Variants in FBXL7 observed in about 807,000 individuals in gnomAD.
FBXL7 encodes F-box and leucine rich repeat protein 7.
A neutral mutation model predicts 38.3 loss-of-function variants in FBXL7; 12 were observed. The ratio of observed to expected loss-of-function variants is 0.31; its 90% CI spans 0.20 to 0.51. The LOEUF is 0.51. Among genes scored for constraint, FBXL7 ranks in the 20% least tolerant of loss-of-function variants. FBXL7 has a pLI of 0.98. For synonymous variants in FBXL7, 297 were observed against 300.9 expected (o/e 0.99, Z 0.13); for missense variants, 567 against 676.4 (o/e 0.84, Z 1.79).
At chr5:15,507,231 T>C (rs1461534862) in intron 1 of FBXL7, among the ~76,000 whole-genome samples, 1 of 152,134 alleles carries the variant, frequency 6.6e-6, no homozygotes, top group Admixed American at 6.6e-5. Context: ...GTGACTAATT[T>C]CATTCTGATG....
intron 1 of FBXL7, among the ~76,000 whole-genome samples, chr5:15,508,500 G>T (rs1273291153): frequency 6.6e-6 from 1 of 152,178 alleles, no homozygotes; most frequent in African/African-American, 2.4e-5. Context: ...TCGTAGCTGG[G>T]CTACCTAAGG....
intron 1 of FBXL7, among the ~76,000 whole-genome samples, chr5:15,530,040 A>G (rs1737375597): frequency 6.6e-6 from 1 of 152,228 alleles, no homozygotes; most frequent in South Asian, 2.1e-4. Context: ...GAACTGTAGC[A>G]GGAATTTTGT....
chr5:15,648,747 C>G (rs550715939), intron 2 of FBXL7, among the ~76,000 whole-genome samples: 1 of 152,280 alleles, frequency 6.6e-6, no homozygotes, highest in East Asian at 1.9e-4. Context: ...AGCCTTATGC[C>G]GTGTTGAAGA....
intron 2 of FBXL7, among the ~76,000 whole-genome samples, chr5:15,637,380 A>G (rs1741221304): frequency 6.6e-6 from 1 of 152,236 alleles, no homozygotes; most frequent in Admixed American, 6.5e-5. Context: ...AAGACAAACA[A>G]GAATGAAAAA....
chr5:15,874,798 T>C (rs1258282238), intron 2 of FBXL7, among the ~76,000 whole-genome samples: 2 of 152,174 alleles, frequency 1.3e-5, no homozygotes, highest in Admixed American at 6.5e-5. Context: ...TCCATGCTCA[T>C]GGATAGGAAA....
At chr5:15,837,702 A>G (rs1259287634) in intron 2 of FBXL7, among the ~76,000 whole-genome samples, 2 of 152,182 alleles carry the variant, frequency 1.3e-5, no homozygotes, top group African/African-American at 4.8e-5. Context: ...ATATTATGAG[A>G]GCCAAGGATG....
At chr5:15,655,813 G>T (rs1741862424) in intron 2 of FBXL7, among the ~76,000 whole-genome samples, 1 of 152,136 alleles carries the variant, frequency 6.6e-6, no homozygotes, top group Admixed American at 6.5e-5. Context: ...ATATCAAGAA[G>T]GTAAGTGACT....
At chr5:15,528,560 A>G (rs766895056) in intron 1 of FBXL7, among the ~76,000 whole-genome samples, 1 of 152,244 alleles carries the variant, frequency 6.6e-6, no homozygotes, top group Non-Finnish European at 1.5e-5. Flanking sequence ...AATGAGAGCC[A>G]AATGAAAAGG....
chr5:15,778,086 C>T (rs192678114), intron 2 of FBXL7, among the ~76,000 whole-genome samples: 1 of 152,120 alleles, frequency 6.6e-6, no homozygotes, highest in East Asian at 1.9e-4. Context: ...AAGCACATTT[C>T]CTCTATTTTA....
At chr5:15,622,531 C>T (rs932614457) in intron 2 of FBXL7, among the ~76,000 whole-genome samples, 18 of 152,006 alleles carry the variant, frequency 1.2e-4, no homozygotes, top group Admixed American at 1.3e-4. Context: ...TGAGAACATG[C>T]GGTGTTTGGG....
At chr5:15,570,514 CTCTT>C (rs1580377239) in intron 1 of FBXL7, among the ~76,000 whole-genome samples, 1 of 152,194 alleles carries the variant, frequency 6.6e-6, no homozygotes, top group East Asian at 1.9e-4. Context: ...GTCTTGCTGT[CTCTT>C]TCTTCTTATT....
At chr5:15,854,403 A>G (rs1330230518) in intron 2 of FBXL7, among the ~76,000 whole-genome samples, 1 of 152,184 alleles carries the variant, frequency 6.6e-6, no homozygotes, top group East Asian at 1.9e-4. Context: ...TTTCAGTAGG[A>G]TCTGAAGTCT....
chr5:15,721,962 G>A (rs1235655366), intron 2 of FBXL7, among the ~76,000 whole-genome samples: 1 of 152,148 alleles, frequency 6.6e-6, no homozygotes, highest in African/African-American at 2.4e-5. Flanking sequence ...AGCCTCCTGA[G>A]TAGCTGGGAC....
chr5:15,765,820 C>G (rs1461962955), intron 2 of FBXL7, among the ~76,000 whole-genome samples: 2 of 152,098 alleles, frequency 1.3e-5, no homozygotes, highest in African/African-American at 4.8e-5. Flanking sequence ...CACTGTAGTA[C>G]TGAACTCATC....
Position 15,936,637 on chromosome 5 carries a change from C to T in FBXL7, c.927C>T (p.Val309=). 2 of 1,609,020 alleles carry T rather than the reference C, an allele frequency of 1.2e-6. No homozygotes were observed. The highest frequency in any genetic ancestry group is 1.7e-6 in the Non-Finnish European group (2 of 1,179,808). The part of the protein sequence containing the change: ...QLTHLYLRRC[V]RLTDEGLRYL... Reference sequence around the variant, plus strand: ...CCCACCTCTACCTGCGCCGCTGCGTCCGCCTGACCGACGAAGGCCTGCGCT... The same window carrying T: ...CCCACCTCTACCTGCGCCGCTGCGTTCGCCTGACCGACGAAGGCCTGCGCT... The change falls in exon 4 of 4, where the codon GTC becomes GTT. Residue 309 remains valine, a synonymous_variant. Transcript: ENST00000504595. This position sits in a 1 kb window ranked among gnomAD's most constrained non-coding sequence, Gnocchi z 6.0.
intron 1 of FBXL7, among the ~76,000 whole-genome samples, chr5:15,512,320 C>G (rs1736820815): frequency 6.6e-6 from 1 of 152,188 alleles, no homozygotes; most frequent in South Asian, 2.1e-4. Flanking sequence ...AGTTTAATCT[C>G]TATTTCTTTT....
At chr5:15,737,861 G>T (rs1735794764) in intron 2 of FBXL7, among the ~76,000 whole-genome samples, 1 of 152,096 alleles carries the variant, frequency 6.6e-6, no homozygotes, top group African/African-American at 2.4e-5. Flanking sequence ...AAGCATCCTG[G>T]TACCCATCAG....
At chr5:15,521,994 G>A (rs1229169785) in intron 1 of FBXL7, among the ~76,000 whole-genome samples, 1 of 152,188 alleles carries the variant, frequency 6.6e-6, no homozygotes, top group East Asian at 1.9e-4. Flanking sequence ...AATGGAGGCT[G>A]GGGTGTCCAT....
chr5:15,714,212 C>T (rs1245935850), intron 2 of FBXL7, among the ~76,000 whole-genome samples: 2 of 152,138 alleles, frequency 1.3e-5, no homozygotes, highest in African/African-American at 2.4e-5. Flanking sequence ...AAATTTTCTT[C>T]TTGCTGTTCT....
Sources: gnomAD v4.1 joint callset for allele counts (sites outside exome capture counted in the v4.1 genomes callset) on GRCh38, gnomAD v4.1.1 for gene constraint, Gnocchi (gnomAD v3.1) non-coding constraint, MANE v1.5 for transcripts, NCBI Gene and HGNC (gene_info 2026-07-23, HGNC 2026-07-21) for gene names.